The following NOS2 variants were observed in gnomAD, a reference collection of about 807,000 sequenced individuals.
NOS2 encodes nitric oxide synthase 2.
Under a neutral mutation model 136.0 loss-of-function variants are expected in NOS2, and 96 were observed. The ratio of observed to expected loss-of-function variants is 0.71; its 90% CI spans 0.60 to 0.84. The LOEUF is 0.84. Ranked by LOEUF, NOS2 falls within the 40% of genes least tolerant of loss-of-function variation. The pLI is 0.00. For synonymous variants in NOS2, 539 were observed against 587.5 expected (o/e 0.92, Z 1.20); for missense variants, 1,237 against 1,496.9 (o/e 0.83, Z 2.87).
Position 27,769,670 on chromosome 17 carries a change from C to T in NOS2, c.1810-86G>A, listed in dbSNP as rs1316120263. On this transcript the variant is annotated intron_variant, in intron 15 of 26. Coordinates refer to ENST00000313735, the MANE Select transcript of NOS2 (RefSeq NM_000625.4). ...CTTTCTTCTGGAAACCTGGCCACAG[C>T]TTGCAGGAGAAGGCTCACAGCCCAC... The T allele has an allele frequency of 4.2e-6, 5 of 1,199,234 alleles. No homozygotes were observed. In the African/African-American group the frequency reaches 6.0e-5, roughly 14 times the overall value. 74.3% of individuals were successfully genotyped at this position (1,199,234 alleles called of 1,614,324 possible).
rs565064845 is a variant in NOS2 at position 27,798,090 on chromosome 17, G to T, written c.110+610C>A. ...TGGACTAAGTGTCTGTTCTGTGTGG[G>T]CACAGTGCTGAGTGCTGTAGATCTC... On this transcript the variant is annotated intron_variant, in intron 2 of 26. Coordinates refer to ENST00000313735, the MANE Select transcript of NOS2 (RefSeq NM_000625.4). Among the ~76,000 whole-genome samples, 19 of 152,206 alleles carry T rather than the reference G, an allele frequency of 1.2e-4. No homozygotes were observed. The East Asian group carries it at 3.7e-3, about 29-fold the overall frequency.
chr17:27,773,997 G>A (rs1176299744), intron 12 of NOS2, among the ~76,000 whole-genome samples: 7 of 152,062 alleles, frequency 4.6e-5, no homozygotes, highest in Non-Finnish European at 7.4e-5. Flanking sequence ...GGGCCCTCCC[G>A]TGGAAGCAGG....
At chr17:27,779,288 C>CTTATTA (rs140152355) in intron 9 of NOS2, among the ~76,000 whole-genome samples, 63 of 139,474 alleles carry the variant, frequency 4.5e-4, no homozygotes, top group African/African-American at 1.3e-3. Context: ...AATTTTTTTC[C>CTTATTA]TTATTATTAT....
chr17:27,789,710 A>G, intron 2 of NOS2, 22 bp from the exon 3 acceptor site: 1 of 1,581,928 alleles, frequency 6.3e-7, no homozygotes, highest in Non-Finnish European at 8.7e-7. Context: ...AACAGCTAGC[A>G]TGAGATGCGG....
rs536411892 is a variant in NOS2, at chr17:27,764,218, A to C, written c.2429-74T>G. ...ATTCTCAGCAGGTAGCGAGGCCCCC[A>C]GGCAGACACCCTCTATTCTCCAGCT... is the stretch of plus-strand genomic sequence containing the variant. On this transcript the variant is annotated intron_variant, in intron 20 of 26. Coordinates refer to ENST00000313735, the MANE Select transcript of NOS2 (RefSeq NM_000625.4). The C allele has an allele frequency of 6.6e-5, 59 of 888,544 alleles. No homozygotes were observed. The African/African-American group carries it at 9.4e-4, about 14-fold the overall frequency. 55.0% of individuals were successfully genotyped at this position (888,544 alleles called of 1,614,324 possible).
intron 24 of NOS2, 84 bp from the exon 25 acceptor site, chr17:27,760,262 T>A: frequency 1.5e-6 from 2 of 1,357,154 alleles, no homozygotes; most frequent in Non-Finnish European, 2.0e-6. Flanking sequence ...CTCACTTCAC[T>A]CCCACTAGCT....
Position 27,788,792 on chromosome 17 carries a change from T to C in NOS2, c.318+17A>G. The C allele has an allele frequency of 6.2e-7, 1 of 1,605,734 alleles. No individual in the cohort carries two copies. The highest frequency in any genetic ancestry group is 8.5e-7 in the Non-Finnish European group (1 of 1,173,856). On this transcript the variant is annotated intron_variant, in intron 4 of 26. Coordinates refer to ENST00000313735, the MANE Select transcript of NOS2 (RefSeq NM_000625.4). ...AGCTTGGGACAAAGGTGGTTCTCCC[T>C]GAAGCCCCAGACTTACCCCTTTGGC...
intron 9 of NOS2, among the ~76,000 whole-genome samples, 181 bp from the exon 10 acceptor site, chr17:27,779,237 C>A (rs1271322108): frequency 2.0e-5 from 3 of 151,494 alleles, no homozygotes; most frequent in East Asian, 1.9e-4. Context: ...CTCAGCCTCC[C>A]AAGTAGCTAG....
chr17:27,779,288 C>CTTATTATTATTA (rs140152355), intron 9 of NOS2, among the ~76,000 whole-genome samples: 6 of 139,476 alleles, frequency 4.3e-5, no homozygotes, highest in African/African-American at 1.6e-4. Flanking sequence ...AATTTTTTTC[C>CTTATTATTATTA]TTATTATTAT....
chr17:27,769,098 G>A lies in NOS2; in HGVS notation c.1913C>T (p.Ala638Val). ...GGACAGCTTCTGATCAATGTCATGA[G>A]CAAAGGCGCAGAACCGAGGGTACAT... is the stretch of plus-strand genomic sequence containing the variant. ...SSMYPRFCAF[A>V]HDIDQKLSHL... The change falls in exon 17 of 27, where the codon GCT becomes GTT. Residue 638 changes from alanine to valine, a missense_variant. Physicochemically the swap from Ala to Val is moderately conservative, Grantham distance 64. This residue lies in a region of NOS2 where 782 missense variants were observed against 909.9 expected (regional missense o/e 0.86). Transcript: ENST00000313735. 6.2e-7 allele frequency: 1 copy of A among 1,612,946 alleles called. No homozygotes were observed.
intron 2 of NOS2, chr17:27,793,865 C>G: frequency 2.7e-6 from 1 of 369,428 alleles, no homozygotes; most frequent in Non-Finnish European, 4.8e-6. Context: ...CCCTGCCTTC[C>G]CCGGCGATCC....
rs1420758757 is a variant in NOS2 at position 27,774,242 on chromosome 17, AG to A, written c.1476+14del. ...TCTGAGCCCCCAGGAAGGAGAGAAG[AG>A]GAAGGCCCCTAACCTGATAGTAGTA... On this transcript the variant is annotated intron_variant, in intron 12 of 26. Coordinates refer to ENST00000313735, the MANE Select transcript of NOS2 (RefSeq NM_000625.4). 1 of 1,442,824 alleles carries A rather than the reference AG, an allele frequency of 6.9e-7. No homozygotes were observed. Among genetic ancestry groups the A allele is most frequent in the Non-Finnish European group, 9.1e-7 (1 of 1,093,030 alleles). 89.4% of individuals were successfully genotyped at this position (1,442,824 alleles called of 1,614,324 possible). A position where few individuals can be genotyped will look rare whatever the true frequency, so the allele number is the denominator to read the frequency against.
intron 2 of NOS2, among the ~76,000 whole-genome samples, chr17:27,793,998 A>G (rs1291892555): frequency 6.6e-6 from 1 of 152,186 alleles, no homozygotes; most frequent in African/African-American, 2.4e-5. Context: ...TTCCCCATAA[A>G]ATCGCAATAA....
chr17:27,786,300 C>T (rs1347935598), intron 5 of NOS2, among the ~76,000 whole-genome samples: 2 of 152,086 alleles, frequency 1.3e-5, no homozygotes, highest in Admixed American at 6.5e-5. Context: ...GTGGCACACA[C>T]CTATAGTCCC....
At chr17:27,765,960 C>G (rs1011521743) in intron 19 of NOS2, among the ~76,000 whole-genome samples, 1 of 152,226 alleles carries the variant, frequency 6.6e-6, no homozygotes, top group African/African-American at 2.4e-5. Context: ...CTTGGAGCCC[C>G]CCGAGGGCTT....
chr17:27,765,817 T>C (rs1908283485), intron 19 of NOS2, 101 bp from the exon 20 acceptor site: 1 of 1,285,720 alleles, frequency 7.8e-7, no homozygotes, highest in Admixed American at 2.6e-5. Context: ...CTCCTTTCAT[T>C]TTCCTGGCTG....
chr17:27,778,449 T>C (rs776947873), intron 11 of NOS2, among the ~76,000 whole-genome samples: 13 of 152,118 alleles, frequency 8.5e-5, no homozygotes, highest in Non-Finnish European at 1.6e-4. Context: ...GAGAGAGACA[T>C]TGATGATACA....
chr17:27,792,464 A>G (rs1400099055), intron 2 of NOS2, among the ~76,000 whole-genome samples: 1 of 152,226 alleles, frequency 6.6e-6, no homozygotes, highest in Non-Finnish European at 1.5e-5. Context: ...AAAAATGAAT[A>G]AACAAAGTTT....
rs1909126302 is a variant in NOS2 at position 27,789,527 on chromosome 17, G to C, written c.195+77C>G. On this transcript the variant is annotated intron_variant, in intron 3 of 26. Coordinates refer to ENST00000313735, the MANE Select transcript of NOS2 (RefSeq NM_000625.4). The stretch of plus-strand genomic sequence containing the variant: ...CTGGCTTCCTGCCCTCTCCAGCCCA[G>C]CTCTAACAGGCTGCTATGTCTGCAT... 3.5e-6 allele frequency: 4 copies of C among 1,155,522 alleles called. No individual in the cohort carries two copies. The Admixed American group carries it at 6.8e-5, about 20-fold the overall frequency. The allele number at this position is 1,155,522 out of a possible 1,614,324, so 71.6% of individuals were successfully genotyped here.
Sources: allele counts gnomAD v4.1 joint callset (sites outside exome capture counted in the v4.1 genomes callset), GRCh38; gene constraint gnomAD v4.1.1; regional missense constraint gnomAD v4.1.1; transcripts MANE v1.5; gene names NCBI Gene and HGNC (gene_info 2026-07-23, HGNC 2026-07-21).